TTN: variants seen among roughly 807,000 people sequenced by gnomAD.
TTN encodes connectin.
Under a neutral mutation model 3,223.0 loss-of-function variants are expected in TTN, and 1,525 were observed. The observed-to-expected ratio is 0.47, with a 90% CI of 0.45 to 0.49. The LOEUF (loss-of-function observed/expected upper bound fraction) is 0.49, where lower values mean the gene tolerates loss of function less well. TTN is among the 20% of genes least tolerant of loss of function. The pLI is 0.00. For missense variants in TTN, 40,786 were observed against 43,424.0 expected, an observed-to-expected ratio of 0.94 and a Z score of 5.40; for synonymous variants, 14,094 against 15,161.0, an observed-to-expected ratio of 0.93 and a Z score of 5.17.
Position 178,580,147 on chromosome 2 carries a change from A to G in TTN, c.67140T>C (p.Ile22380=), listed in dbSNP as rs1213120322. ...AGTTTATGATGGGGCTTCCGCCATC[A>G]ATAATGGGAGGCTCCCAGGTAACAT... ...SAYVTWEPPI[I]DGGSPIINYV... is the part of the protein sequence containing the mutation. The change falls in exon 318 of 363, where the codon ATT becomes ATC. Residue 22380 remains isoleucine (I), a synonymous_variant. Transcript: ENST00000589042. The G allele has an allele frequency of 6.2e-7, 1 of 1,613,350 alleles. No individual in the cohort carries two copies. Among genetic ancestry groups the G allele is most frequent in the East Asian group, 2.2e-5 (1 of 44,778 alleles).
chr2:178,587,558 G>A lies in TTN; in HGVS notation c.63751C>T (p.Pro21251Ser). The A allele has an allele frequency of 3.7e-6, 6 of 1,611,386 alleles. No individual in the cohort carries two copies. The highest frequency in any genetic ancestry group is 5.1e-6 in the Non-Finnish European group (6 of 1,178,598). Residue 21251 changes from proline (P) to serine (S), a missense_variant, in exon 306 of 363, where the codon CCA (proline) becomes TCA (serine). Coordinates refer to ENST00000589042, the MANE Select transcript of TTN (RefSeq NM_001267550.2). ...ACGAATACAGCCTTTTCTCCTGCTG[G>A]GTTCACAAGTGTTAAGGAATATTTT... ...SGKYSLTLVN[P>S]AGEKAVFVNV...
rs1437532734 is a variant in TTN, at chr2:178,664,711, G to A, written c.36145C>T (p.Pro12049Ser). The A allele has an allele frequency of 1.2e-6, 2 of 1,612,188 alleles. No individual in the cohort carries two copies. The highest frequency in any genetic ancestry group is 1.7e-6 in the Non-Finnish European group (2 of 1,179,612). ...KVPEALQEIV[P>S]EKKTLVVPLR... The stretch of plus-strand genomic sequence containing the variant: ...GGAACCACAAGCGTTTTCTTTTCAG[G>A]GACAATTTCTTGGAGAGCTTCAGGC... The change falls in exon 167 of 363, where the codon CCT becomes TCT. Residue 12049 changes from proline to serine, a missense_variant. By Grantham distance (74) the Pro-to-Ser change is moderately conservative. Transcript: ENST00000589042.
In TTN at chr2:178,547,963, G is replaced by A. The variant is rs1489398531; in HGVS notation, c.93663C>T (p.Thr31221=). 3.1e-6 allele frequency: 5 copies of A among 1,613,618 alleles called. No homozygotes were observed. Among genetic ancestry groups the A allele is most frequent in the Middle Eastern group, 1.7e-4 (1 of 6,058 alleles). ...IEPTADLTGI[T]NQLITCKAGS... ...CTGCTTTGCAAGTTATAAGCTGATT[G>A]GTAATTCCAGTGAGGTCAGCAGTGG... is the stretch of plus-strand genomic sequence containing the variant. Residue 31221 remains threonine (T), a synonymous_variant, in exon 339 of 363, where the codon ACC becomes ACT. Coordinates refer to ENST00000589042, the MANE Select transcript of TTN (RefSeq NM_001267550.2).
chr2:178,791,772 C>T (rs1031641754), intron 10 of TTN, among the ~76,000 whole-genome samples: 27 of 151,606 alleles, frequency 1.8e-4, no homozygotes, highest in African/African-American at 5.1e-4. Context: ...CCAACTGTCC[C>T]GGTGGGTAAC....
rs1469799928 is a variant in TTN at position 178,621,236 on chromosome 2, G to T, written c.45482C>A (p.Ser15161Tyr). ...QWKRDDKTLE[S>Y]GDKYDVIADG... ...AGCAATAACGTCATATTTATCTCCA[G>T]ATTCAAGTGTCTTATCATCCCTCTT... Residue 15161 changes from serine to tyrosine, a missense_variant, in exon 246 of 363, where the codon TCT becomes TAT. Transcript: ENST00000589042. 1 of 1,612,254 alleles carries T rather than the reference G, an allele frequency of 6.2e-7. No homozygotes were observed. Among genetic ancestry groups the T allele is most frequent in the South Asian group, 1.1e-5 (1 of 91,028 alleles).
chr2:178,615,181 TCAGA>T, intron 259 of TTN, 122 bp downstream of exon 259: 1 of 1,226,824 alleles, frequency 8.2e-7, no homozygotes, highest in East Asian at 2.5e-5. Context: ...CCTTTAAAAA[TCAGA>T]CAGATACACC....
intron 47 of TTN, chr2:178,747,336 C>T (rs2083951031): frequency 6.2e-7 from 1 of 1,613,330 alleles, no homozygotes; most frequent in Non-Finnish European, 8.5e-7. Flanking sequence ...ACTGTCTCAC[C>T]TCCTGAATGT....
At position 178,564,264 on chromosome 2, in the gene TTN, C is replaced by G. The variant is rs786205377; in HGVS notation, c.81868G>C (p.Gly27290Arg). 1.9e-6 allele frequency: 3 copies of G among 1,613,310 alleles called. No individual in the cohort carries two copies. Among genetic ancestry groups the G allele is most frequent in the Non-Finnish European group, 2.5e-6 (3 of 1,179,790 alleles). Reference protein sequence around the residue: ...KYKDVIVVHAGETFVLEADIR... With the variant: ...KYKDVIVVHARETFVLEADIR... ...TCGGCTTCAAGAACAAAAGTCTCTC[C>G]TGCATGAACAACGATGACATCTTTA... Residue 27290 changes from glycine (G) to arginine (R), a missense_variant, in exon 326 of 363, where the codon GGA (glycine) becomes CGA (arginine). Transcript: ENST00000589042.
Position 178,756,566 on chromosome 2 carries a change from G to C in TTN, c.10910C>G (p.Ser3637Cys), listed in dbSNP as rs867808369. Residue 3637 changes from serine to cysteine, a missense_variant, in exon 46 of 363, where the codon TCC (serine) becomes TGC (cysteine). Coordinates refer to ENST00000589042, the MANE Select transcript of TTN (RefSeq NM_001267550.2). ...AGTGCTTTCTGCAATTTGTGAAAGG[G>C]ATGCAGTATGGCACAACTGTGTATC... ...VQDTQLCHTA[S>C]LSQIAESTEL... 1.9e-6 allele frequency: 3 copies of C among 1,611,604 alleles called. No individual in the cohort carries two copies. In the East Asian group the frequency reaches 6.7e-5, roughly 36 times the overall value.
chr2:178,654,247 C>T lies in TTN; in HGVS notation c.38341G>A (p.Val12781Met), dbSNP rs755687407. ...GCTTCCGGTTTTTTGGGCACAGCCA[C>T]AGATACTTTCTTTTCAAGTACAACT... The part of the protein sequence containing the change: ...KEVVLEKKVS[V>M]AVPKKPEAPR... Residue 12781 changes from valine to methionine, a missense_variant, in exon 193 of 363, where the codon GTG becomes ATG. Physicochemically the swap from Val to Met is conservative, Grantham distance 21 (BLOSUM62 1). Coordinates refer to ENST00000589042, the MANE Select transcript of TTN (RefSeq NM_001267550.2). 6 of 1,600,328 alleles carry T rather than the reference C, an allele frequency of 3.7e-6. 1 individual carries two copies. Among genetic ancestry groups the T allele is most frequent in the Non-Finnish European group, 3.4e-6 (4 of 1,177,844 alleles).
At position 178,560,648 on chromosome 2, in the gene TTN, T is replaced by A. The variant is rs554119186; in HGVS notation, c.85484A>T (p.His28495Leu). Residue 28495 changes from histidine (H) to leucine (L), a missense_variant, in exon 326 of 363, where the codon CAC becomes CTC. Coordinates refer to ENST00000589042, the MANE Select transcript of TTN (RefSeq NM_001267550.2). ...TCCTTCACATATTGTCCATGCAAGG[T>A]GGCTTGTTTCACGTTTTTCTACGAT... ...YYIVEKRETS[H>L]LAWTICEGEL... 6.8e-6 allele frequency: 11 copies of A among 1,613,662 alleles called. No homozygotes were observed. The Admixed American group carries it at 1.7e-4, about 24-fold the overall frequency.
In TTN at chr2:178,712,902, G is replaced by T. The variant is rs890920556; in HGVS notation, c.27123C>A (p.Ile9041=). 2.5e-6 allele frequency: 4 copies of T among 1,613,334 alleles called. No individual in the cohort carries two copies. In the Admixed American group the frequency reaches 5.0e-5, roughly 20 times the overall value. The change falls in exon 94 of 363, where the codon ATC becomes ATA. Residue 9041 remains isoleucine (I), a synonymous_variant. Coordinates refer to ENST00000589042, the MANE Select transcript of TTN (RefSeq NM_001267550.2). ...LTGTNVTFTS[I]VKGTPPFSVS... is the part of the protein sequence containing the mutation. ...CACTGAAAGGAGGTGTTCCTTTTACGATACTTGTGAAAGTTACATTGGTCC... is the reference window on the plus strand; with the variant it reads ...CACTGAAAGGAGGTGTTCCTTTTACTATACTTGTGAAAGTTACATTGGTCC...
rs766471599 is a variant in TTN at position 178,621,836 on chromosome 2, T to A, written c.45082+4A>T. On this transcript the variant is annotated splice_donor_region_variant and intron_variant, in intron 244 of 362. Transcript: ENST00000589042. The stretch of plus-strand genomic sequence containing the variant: ...TACTTCACAAAGAATGACTTTACTC[T>A]TACCCAGAACTGTCAGCATGCCAGA... 1 of 1,611,888 alleles carries A rather than the reference T, an allele frequency of 6.2e-7. No individual in the cohort carries two copies. Among genetic ancestry groups the A allele is most frequent in the Non-Finnish European group, 8.5e-7 (1 of 1,178,904 alleles).
chr2:178,790,582 T>C, intron 11 of TTN, 126 bp downstream of exon 11: 2 of 1,491,938 alleles, frequency 1.3e-6, no homozygotes, highest in Non-Finnish European at 1.8e-6. Flanking sequence ...GAAAAGAAAT[T>C]TTCTATTTGC....
Position 178,576,903 on chromosome 2 carries a change from C to T in TTN, c.69412+20G>A. 3 of 1,605,388 alleles carry T rather than the reference C, an allele frequency of 1.9e-6. No individual in the cohort carries two copies. Among genetic ancestry groups the T allele is most frequent in the Non-Finnish European group, 2.5e-6 (3 of 1,176,796 alleles). ...TGCTATAAATGTTTCCATGTCAATT[C>T]CCTCACATGCTCTACATACCAAATC... On this transcript the variant is annotated intron_variant, in intron 324 of 362. Coordinates refer to ENST00000589042, the MANE Select transcript of TTN (RefSeq NM_001267550.2). This position sits in a 1 kb window ranked among gnomAD's most constrained non-coding sequence, Gnocchi z 4.3.
Position 178,595,565 on chromosome 2 carries a change from A to G in TTN, c.57789T>C (p.Ser19263=). The G allele has an allele frequency of 6.3e-7, 1 of 1,575,248 alleles. No homozygotes were observed. The highest frequency in any genetic ancestry group is 8.6e-7 in the Non-Finnish European group (1 of 1,158,668). ...AYFFRIAAEN[S]IGMGPFVETS... is the part of the protein sequence containing the mutation. ...TCTCAACAAATGGACCCATGCCAAT[A>G]CTATTTTCAGCCGCAATTCGGAAAA... Residue 19263 remains serine (S), a synonymous_variant, in exon 295 of 363, where the codon AGT becomes AGC. Coordinates refer to ENST00000589042, the MANE Select transcript of TTN (RefSeq NM_001267550.2).
At chr2:178,679,722 A>G (rs777186128) in intron 140 of TTN, 40 bp from the exon 141 acceptor site, 42 of 1,571,720 alleles carry the variant, frequency 2.7e-5, no homozygotes, top group Non-Finnish European at 3.4e-5. Flanking sequence ...ATTTTGCAGG[A>G]AAGAAATAAA....
In TTN at chr2:178,621,626, C is replaced by T. The variant is rs547564837; in HGVS notation, c.45198G>A (p.Gly15066=). ...TTCCTGTTTCAATGATCTCCTCATC[C>T]CCTTTATACCAAATCACTTCTGCGC... is the stretch of plus-strand genomic sequence containing the variant. ...KPGAEVIWYK[G]DEEIIETGRY... Residue 15066 remains glycine, a synonymous_variant, in exon 245 of 363, where the codon GGG becomes GGA. Coordinates refer to ENST00000589042, the MANE Select transcript of TTN (RefSeq NM_001267550.2). 9.9e-6 allele frequency: 16 copies of T among 1,612,464 alleles called. No homozygotes were observed. In the South Asian group the frequency reaches 1.5e-4, roughly 15 times the overall value.
At chr2:178,759,245 A>G in intron 43 of TTN, 73 bp from the exon 44 acceptor site, 1 of 1,452,134 alleles carries the variant, frequency 6.9e-7, no homozygotes, top group Non-Finnish European at 9.7e-7. Context: ...TGCAAACACA[A>G]TGTTAATAAT....
Sources: gnomAD v4.1 joint callset for allele counts (sites outside exome capture counted in the v4.1 genomes callset) on GRCh38, gnomAD v4.1.1 for gene constraint, Gnocchi (gnomAD v3.1) non-coding constraint, MANE v1.5 for transcripts, NCBI Gene and HGNC (gene_info 2026-07-23, HGNC 2026-07-21) for gene names.